Variants in GMDS observed in about 807,000 individuals in gnomAD.
GMDS encodes the protein GDP-mannose 4,6 dehydratase.
GMDS carries 20 observed loss-of-function variants against 49.9 expected under a neutral mutation model. That is an observed-to-expected ratio of 0.40 (90% CI 0.28 to 0.58). The LOEUF (loss-of-function observed/expected upper bound fraction) is 0.58. Among genes scored for constraint, GMDS ranks in the 20% least tolerant of loss-of-function variants. The probability of loss-of-function intolerance (pLI) is 0.42; values close to 1 mark genes in which losing one functional copy is unlikely to be tolerated. For synonymous variants in GMDS, 177 were observed against 178.6 expected (o/e 0.99, Z 0.07); for missense variants, 362 against 481.4 (o/e 0.75, Z 2.32).
chr6:2,129,297 C>T (rs1467693231), intron 1 of GMDS, among the ~76,000 whole-genome samples: 4 of 152,238 alleles, frequency 2.6e-5, no homozygotes, highest in Non-Finnish European at 5.9e-5. Flanking sequence ...CACCTATGTA[C>T]GAGGGCAAGC....
intron 8 of GMDS, among the ~76,000 whole-genome samples, chr6:1,730,724 G>C (rs1766766345): frequency 6.6e-6 from 1 of 152,250 alleles, no homozygotes; most frequent in South Asian, 2.1e-4. Flanking sequence ...CTGGGCATCA[G>C]AGATTCTCCA....
chr6:1,877,796 G>A (rs1466676159), intron 7 of GMDS, among the ~76,000 whole-genome samples: 1 of 152,068 alleles, frequency 6.6e-6, no homozygotes, highest in African/African-American at 2.4e-5. Flanking sequence ...CAGGATATGG[G>A]GGTCAGTGGA....
intron 9 of GMDS, among the ~76,000 whole-genome samples, chr6:1,647,072 A>T (rs1763508488): frequency 6.6e-6 from 1 of 152,192 alleles, no homozygotes; most frequent in African/African-American, 2.4e-5. Context: ...TAAAGGTGAC[A>T]AGGGCTGCTC....
intron 1 of GMDS, among the ~76,000 whole-genome samples, chr6:2,218,604 T>A (rs1182008359): frequency 6.6e-6 from 1 of 152,202 alleles, no homozygotes; most frequent in Non-Finnish European, 1.5e-5. Flanking sequence ...TTTTTAAAAA[T>A]TCACCTCAGA....
intron 1 of GMDS, among the ~76,000 whole-genome samples, chr6:2,137,907 T>C (rs957013132): frequency 6.6e-6 from 1 of 152,198 alleles, no homozygotes; most frequent in African/African-American, 2.4e-5. Context: ...TTTGCCAAGT[T>C]AACTACTGTA....
Position 1,778,994 on chromosome 6 carries a change from A to C in GMDS, c.772-36408T>G, listed in dbSNP as rs1023167675. Among the ~76,000 whole-genome samples the C allele has an allele frequency of 2.0e-5, 3 of 152,014 alleles. No homozygotes were observed. The highest frequency in any genetic ancestry group is 4.4e-5 in the Non-Finnish European group (3 of 67,990). ...TCTCGCAGTGCTGGCGTGGCCTCCC[A>C]TGCTGATCCCTGGACCAGTCCTGGC... On this transcript the variant is annotated intron_variant, in intron 7 of 10. Transcript: ENST00000380815. The surrounding 1 kb of genome is among the most constrained non-coding windows in gnomAD (Gnocchi z 4.6).
chr6:2,043,954 A>G (rs1404768616), intron 4 of GMDS, among the ~76,000 whole-genome samples: 1 of 152,234 alleles, frequency 6.6e-6, no homozygotes, highest in Non-Finnish European at 1.5e-5. Flanking sequence ...GCCAACAAGC[A>G]TATGAGAAAA....
chr6:1,831,889 C>T (rs936467907), intron 7 of GMDS, among the ~76,000 whole-genome samples: 17 of 152,088 alleles, frequency 1.1e-4, no homozygotes, highest in African/African-American at 2.9e-4. Context: ...TTACCCTCCC[C>T]ATAAGAATTT....
At chr6:1,689,771 C>T (rs1252131565) in intron 9 of GMDS, among the ~76,000 whole-genome samples, 1 of 152,200 alleles carries the variant, frequency 6.6e-6, no homozygotes, top group East Asian at 1.9e-4. Context: ...AAATGATCAC[C>T]TCATAAACGT....
chr6:2,218,460 C>T (rs888553605), intron 1 of GMDS, among the ~76,000 whole-genome samples: 2 of 152,240 alleles, frequency 1.3e-5, no homozygotes, highest in East Asian at 1.9e-4. Context: ...TCAGATCATC[C>T]GTAAATTACA....
In GMDS at chr6:2,221,588, C is replaced by T. The variant is rs373582722; in HGVS notation, c.102+23733G>A. ...TATTTTTAGTAGAGACGGGGTTTCA[C>T]CGTGTTAGCTAGGATGGTCTCCATA... On this transcript the variant is annotated intron_variant, in intron 1 of 10. Transcript: ENST00000380815. Among the ~76,000 whole-genome samples, 109 of 152,314 alleles carry T rather than the reference C, an allele frequency of 7.2e-4. 1 individual carries two copies. The highest frequency in any genetic ancestry group is 2.4e-3 in the African/African-American group (99 of 41,558).
At chr6:1,803,314 C>T (rs186165168) in intron 7 of GMDS, among the ~76,000 whole-genome samples, 2 of 151,964 alleles carry the variant, frequency 1.3e-5, no homozygotes, top group East Asian at 3.9e-4. Flanking sequence ...GTTTTGCAGT[C>T]GAGAAGGCAA....
Position 1,766,672 on chromosome 6 carries a change from C to T in GMDS, c.772-24086G>A, listed in dbSNP as rs569398278. ...CTCCCCTTCTAGAAGGCCCAGCAAG[C>T]GCCCCGTTTCCCACAGACGGTTCCC... On this transcript the variant is annotated intron_variant, in intron 7 of 10. Transcript: ENST00000380815. This position sits in a 1 kb window ranked among gnomAD's most constrained non-coding sequence, Gnocchi z 4.5. Among the ~76,000 whole-genome samples the T allele has an allele frequency of 9.8e-5, 15 of 152,304 alleles. No individual in the cohort carries two copies. The highest frequency in any genetic ancestry group is 6.2e-4 in the South Asian group (3 of 4,826).
chr6:1,631,944 T>C (rs1363779948), intron 9 of GMDS, among the ~76,000 whole-genome samples: 4 of 152,212 alleles, frequency 2.6e-5, no homozygotes, highest in Non-Finnish European at 5.9e-5. Flanking sequence ...ATGACAACTC[T>C]TTAGGTTTAC....
intron 1 of GMDS, among the ~76,000 whole-genome samples, chr6:2,226,543 A>G (rs115701425): frequency 6.6e-6 from 1 of 152,354 alleles, no homozygotes; most frequent in Non-Finnish European, 1.5e-5. Flanking sequence ...CCCCAACAAC[A>G]GAGATATTAT....
chr6:1,973,224 A>G (rs149309411), intron 4 of GMDS, among the ~76,000 whole-genome samples: 74 of 152,330 alleles, frequency 4.9e-4, no homozygotes, highest in African/African-American at 1.7e-3. Context: ...CAAAGCTCCA[A>G]AAGTACATAA....
rs189397513 is a variant in GMDS at position 1,893,771 on chromosome 6, G to A, written c.771+36332C>T. The stretch of plus-strand genomic sequence containing the variant: ...GGGCCGTTTATTCAGAGGGGGTGGA[G>A]GTGAAAGGAGAGAAATTAATGAACA... On this transcript the variant is annotated intron_variant, in intron 7 of 10. Transcript: ENST00000380815. Among the ~76,000 whole-genome samples, 5 of 152,272 alleles carry A rather than the reference G, an allele frequency of 3.3e-5. No individual in the cohort carries two copies. In the East Asian group the frequency reaches 9.6e-4, roughly 29 times the overall value.
chr6:1,795,250 A>G (rs925501324), intron 7 of GMDS, among the ~76,000 whole-genome samples: 3 of 152,204 alleles, frequency 2.0e-5, no homozygotes, highest in Admixed American at 1.3e-4. Flanking sequence ...ATTTTCATAC[A>G]TAGACTTCTA....
At chr6:1,800,125 T>C (rs1212342150) in intron 7 of GMDS, among the ~76,000 whole-genome samples, 1 of 152,136 alleles carries the variant, frequency 6.6e-6, no homozygotes, top group Non-Finnish European at 1.5e-5. Flanking sequence ...GCCCATATGG[T>C]GGTTGGCCTC....
Sources: allele counts gnomAD v4.1 joint callset (sites outside exome capture counted in the v4.1 genomes callset), GRCh38; gene constraint gnomAD v4.1.1; non-coding constraint Gnocchi (gnomAD v3.1); transcripts MANE v1.5; gene names NCBI Gene and HGNC (gene_info 2026-07-23, HGNC 2026-07-21).